TFB1M: variants seen among roughly 807,000 people sequenced by gnomAD.
TFB1M encodes transcription factor B1, mitochondrial, also known as dimethyladenosine transferase 1, mitochondrial.
In TFB1M, 27 loss-of-function variants were observed where a neutral mutation model predicts 31.1. The observed-to-expected ratio is 0.87, with a 90% CI of 0.64 to 1.20. The LOEUF (loss-of-function observed/expected upper bound fraction) is 1.20, where lower values mean the gene tolerates loss of function less well. Among genes scored for constraint, TFB1M ranks in the 50% most tolerant of loss-of-function variants. TFB1M has a pLI of 0.00. For synonymous variants in TFB1M, 166 were observed against 151.8 expected, an observed-to-expected ratio of 1.09 and a Z score of -0.69; for missense variants, 394 against 418.7, an observed-to-expected ratio of 0.94 and a Z score of 0.51.
intron 2 of TFB1M, among the ~76,000 whole-genome samples, chr6:155,301,900 T>C (rs1777448148): frequency 6.6e-6 from 1 of 152,206 alleles, no homozygotes; most frequent in Non-Finnish European, 1.5e-5. Flanking sequence ...TTTTTTTCCC[T>C]GGTATTATGC....
chr6:155,293,887 C>T (rs941917144), intron 4 of TFB1M, among the ~76,000 whole-genome samples: 5 of 152,026 alleles, frequency 3.3e-5, no homozygotes, highest in African/African-American at 1.2e-4. Context: ...TTTTTTGACT[C>T]TATGCAAACT....
intron 5 of TFB1M, among the ~76,000 whole-genome samples, chr6:155,268,478 G>C (rs1430419610): frequency 6.6e-6 from 1 of 152,130 alleles, no homozygotes; most frequent in Admixed American, 6.5e-5. Flanking sequence ...TCTATGAAAA[G>C]GTGTGGTATT....
At chr6:155,231,038 C>A in the TFB1M span, among the ~76,000 whole-genome samples, 1 of 150,972 alleles carries the variant, frequency 6.6e-6, no homozygotes, top group East Asian at 1.9e-4. Flanking sequence ...GATGGGGTTT[C>A]ACCATGTTGG....
the TFB1M span, among the ~76,000 whole-genome samples, chr6:155,232,376 C>T: frequency 6.6e-6 from 1 of 152,148 alleles, no homozygotes; most frequent in African/African-American, 2.4e-5. Context: ...GTAGTGCAGC[C>T]TCCCCATGCC....
intron 2 of TFB1M, among the ~76,000 whole-genome samples, chr6:155,302,964 C>T (rs1777501049): frequency 6.6e-6 from 1 of 152,090 alleles, no homozygotes; most frequent in African/African-American, 2.4e-5. Context: ...GGAGAAATGC[C>T]CCTTATAAAA....
chr6:155,300,105 C>T (rs1323825675), intron 2 of TFB1M, among the ~76,000 whole-genome samples: 1 of 152,170 alleles, frequency 6.6e-6, no homozygotes, highest in East Asian at 1.9e-4. Context: ...CTCTTTTAGC[C>T]TGGGAGATGT....
chr6:155,248,403 C>G, the TFB1M span, among the ~76,000 whole-genome samples: 2 of 152,232 alleles, frequency 1.3e-5, no homozygotes, highest in African/African-American at 2.4e-5. Flanking sequence ...TAGAAATGAT[C>G]TCATCCGGGT....
intron 6 of TFB1M, 94 bp from the exon 7 acceptor site, chr6:155,258,176 A>T (rs1784204266): frequency 6.9e-7 from 1 of 1,445,886 alleles, no homozygotes; most frequent in Non-Finnish European, 9.6e-7. Context: ...ACAACACAAC[A>T]CAGTTGCTGG....
At chr6:155,275,837 A>G (rs1016926973) in intron 5 of TFB1M, 3 of 1,614,128 alleles carry the variant, frequency 1.9e-6, no homozygotes, top group African/African-American at 2.7e-5. Context: ...GGACTCCAAC[A>G]TCATAACAGC....
Position 155,313,359 on chromosome 6 carries a change from T to C in TFB1M, c.133+937A>G, listed in dbSNP as rs547771242. On this transcript the variant is annotated intron_variant, in intron 1 of 6. Coordinates refer to ENST00000367166, the MANE Select transcript of TFB1M (RefSeq NM_016020.4). ...TGTCCAAGAAATAAAACATTTTATGTTTTCTGGAGTGTGCTTCATTTAAGT... is the reference window on the plus strand; with the variant it reads ...TGTCCAAGAAATAAAACATTTTATGCTTTCTGGAGTGTGCTTCATTTAAGT... 11 of 152,314 alleles carry C rather than the reference T, an allele frequency of 7.2e-5. No homozygotes were observed. In the East Asian group the frequency reaches 2.1e-3, roughly 29 times the overall value. 9.4% of individuals were successfully genotyped at this position (152,314 alleles called of 1,614,324 possible).
intron 2 of TFB1M, among the ~76,000 whole-genome samples, chr6:155,305,196 TTATATATATATTAAATTATATATTTA>T (rs1777629033): frequency 1.5e-5 from 1 of 68,920 alleles, no homozygotes; most frequent in African/African-American, 7.5e-5. Flanking sequence ...AATTATATAT[TTATATATATATTAAATTATATATTTA>T]TATATATATA....
chr6:155,279,720 C>A (rs972824647), intron 5 of TFB1M, among the ~76,000 whole-genome samples: 1 of 152,132 alleles, frequency 6.6e-6, no homozygotes, highest in African/African-American at 2.4e-5. Context: ...GTATTAATTT[C>A]ATTGCATTTT....
At chr6:155,298,617 C>A in intron 2 of TFB1M, 32 bp from the exon 3 acceptor site, 1 of 1,410,502 alleles carries the variant, frequency 7.1e-7, no homozygotes, top group Non-Finnish European at 1.0e-6. Context: ...AAAATGAGCT[C>A]ATATACTTAT....
chr6:155,244,224 C>T, the TFB1M span: 1 of 786,600 alleles, frequency 1.3e-6, no homozygotes, highest in Non-Finnish European at 2.1e-6. Context: ...CAGGCATAGC[C>T]TCCTCCTAAA....
intron 5 of TFB1M, among the ~76,000 whole-genome samples, chr6:155,267,997 T>C (rs957168327): frequency 6.6e-6 from 1 of 152,136 alleles, no homozygotes; most frequent in Non-Finnish European, 1.5e-5. Context: ...CTTCTACAAA[T>C]TTGTTTTCAA....
chr6:155,297,961 T>G (rs957661418), intron 3 of TFB1M, among the ~76,000 whole-genome samples: 4 of 152,212 alleles, frequency 2.6e-5, no homozygotes, highest in Non-Finnish European at 5.9e-5. Flanking sequence ...TAAGCCCTCC[T>G]CCGTTTGTTC....
chr6:155,297,963 C>T (rs550320996), intron 3 of TFB1M, among the ~76,000 whole-genome samples: 17 of 152,296 alleles, frequency 1.1e-4, no homozygotes, highest in South Asian at 6.2e-4. Context: ...AGCCCTCCTC[C>T]GTTTGTTCTG....
rs1777641690 is a variant in TFB1M at position 155,305,269 on chromosome 6, T to TATATATATTAAA, written c.285+5918_285+5919insTTTAATATATAT. Reference sequence around the variant, plus strand: ...ATTTATATATATATTAAATTATATATTTATATATATATATTAAATTATATA... The same window carrying TATATATATTAAA: ...ATTTATATATATATTAAATTATATATATATATATTAAATTATATATATATATTAAATTATATA... On this transcript the variant is annotated intron_variant, in intron 2 of 6. Transcript: ENST00000367166. 5.4e-5 allele frequency among the ~76,000 whole-genome samples: 2 copies of TATATATATTAAA among 37,370 alleles called. 1 individual carries two copies. Among genetic ancestry groups the TATATATATTAAA allele is most frequent in the African/African-American group, 2.3e-4 (2 of 8,864 alleles). The allele number at this position is 37,370 out of a possible 152,430, so 24.5% of individuals were successfully genotyped here.
At chr6:155,296,345 C>T (rs528280620) in intron 4 of TFB1M, among the ~76,000 whole-genome samples, 12 of 152,040 alleles carry the variant, frequency 7.9e-5, no homozygotes, top group Middle Eastern at 3.4e-3. Context: ...CTGCAACCTC[C>T]GCCTCCCAGG....
Sources: gnomAD v4.1 joint callset for allele counts (sites outside exome capture counted in the v4.1 genomes callset) on GRCh38, gnomAD v4.1.1 for gene constraint, MANE v1.5 for transcripts, NCBI Gene and HGNC (gene_info 2026-07-23, HGNC 2026-07-21) for gene names.